PPARGC1A: variants seen among roughly 807,000 people sequenced by gnomAD.
PPARGC1A encodes the protein PPARG coactivator 1 alpha, also known as peroxisome proliferator-activated receptor gamma coactivator 1-alpha.
Under a neutral mutation model 88.7 loss-of-function variants are expected in PPARGC1A, and 25 were observed. That is an observed-to-expected ratio of 0.28 (90% CI 0.21 to 0.39). The LOEUF (loss-of-function observed/expected upper bound fraction) is 0.39, where lower values mean the gene tolerates loss of function less well. Among genes scored for constraint, PPARGC1A ranks in the 10% least tolerant of loss-of-function variants. The pLI, the probability that PPARGC1A is intolerant of heterozygous loss-of-function variation, is 1.00. For missense variants in PPARGC1A, 880 were observed against 968.7 expected (o/e 0.91, Z 1.22); for synonymous variants, 363 against 355.6 (o/e 1.02, Z -0.24).
At chr4:24,244,332 T>G in the PPARGC1A span, among the ~76,000 whole-genome samples, 3,824 of 152,328 alleles carry the variant, frequency 0.025, 152 homozygotes, top group African/African-American at 0.087. Flanking sequence ...ATATATTAGA[T>G]CTTATGGTCG....
At chr4:24,436,605 A>G in the PPARGC1A span, among the ~76,000 whole-genome samples, 2 of 145,840 alleles carry the variant, frequency 1.4e-5, no homozygotes, top group African/African-American at 2.6e-5. Flanking sequence ...GCTGACATCG[A>G]TTGGCCACCC....
At chr4:24,283,914 T>C in the PPARGC1A span, among the ~76,000 whole-genome samples, 1 of 152,122 alleles carries the variant, frequency 6.6e-6, no homozygotes, top group African/African-American at 2.4e-5. Flanking sequence ...CAAATAAGCA[T>C]TGCATATCAG....
chr4:23,832,590 A>ATTTCTT (rs71639813), intron 2 of PPARGC1A, among the ~76,000 whole-genome samples: 3,058 of 145,032 alleles, frequency 0.021, 69 homozygotes, highest in African/African-American at 0.055. Flanking sequence ...GTGCACTATT[A>ATTTCTT]TTTCTTTTTC....
the PPARGC1A span, among the ~76,000 whole-genome samples, chr4:24,232,224 GA>G: frequency 5.3e-5 from 8 of 149,716 alleles, no homozygotes; most frequent in South Asian, 6.4e-4. Flanking sequence ...ATTCTGGATT[GA>G]AAAAAAAAAT....
chr4:24,084,354 T>G, the PPARGC1A span, among the ~76,000 whole-genome samples: 1 of 152,220 alleles, frequency 6.6e-6, no homozygotes, highest in South Asian at 2.1e-4. Context: ...GGATTTAGGT[T>G]GCTTAGCCTT....
chr4:24,118,576 A>T, the PPARGC1A span, among the ~76,000 whole-genome samples: 1 of 152,172 alleles, frequency 6.6e-6, no homozygotes, highest in Non-Finnish European at 1.5e-5. Context: ...CTCGGTTTTA[A>T]CATTTTAGTA....
the PPARGC1A span, among the ~76,000 whole-genome samples, chr4:24,419,929 A>G: frequency 1.3e-5 from 2 of 152,246 alleles, no homozygotes; most frequent in Non-Finnish European, 2.9e-5. Context: ...TGTGTATTTT[A>G]AAGTCTTCAA....
chr4:23,837,014 T>A (rs1379654648), intron 2 of PPARGC1A, among the ~76,000 whole-genome samples: 1 of 152,200 alleles, frequency 6.6e-6, no homozygotes, highest in East Asian at 1.9e-4. Flanking sequence ...CTTATGTTAG[T>A]AATTTTTTCT....
At chr4:24,198,659 G>A in the PPARGC1A span, among the ~76,000 whole-genome samples, 160 of 152,234 alleles carry the variant, frequency 1.1e-3, no homozygotes, top group Admixed American at 4.4e-3. Context: ...TGGGTTCCTC[G>A]AGCCTAAGGC....
the PPARGC1A span, among the ~76,000 whole-genome samples, chr4:24,413,702 G>A: frequency 1.3e-5 from 2 of 152,052 alleles, no homozygotes; most frequent in Non-Finnish European, 2.9e-5. Flanking sequence ...TGGCTTCGCA[G>A]CTGGAGAGGA....
At chr4:23,879,293 C>T (rs1011813724) in intron 2 of PPARGC1A, among the ~76,000 whole-genome samples, 4 of 152,182 alleles carry the variant, frequency 2.6e-5, no homozygotes, top group Admixed American at 2.6e-4. Flanking sequence ...AATTCATTAC[C>T]ATGGAAGGCT....
chr4:23,812,188 ATG>A (rs1721036531), intron 10 of PPARGC1A, among the ~76,000 whole-genome samples: 1 of 151,896 alleles, frequency 6.6e-6, no homozygotes, highest in Non-Finnish European at 1.5e-5. Flanking sequence ...AGTGATCCAC[ATG>A]CCTTGGCCTC....
chr4:24,409,918 C>G, the PPARGC1A span, among the ~76,000 whole-genome samples: 2 of 152,158 alleles, frequency 1.3e-5, no homozygotes, highest in Non-Finnish European at 2.9e-5. Flanking sequence ...ACAGAGGGGA[C>G]AGCAAAATGT....
chr4:24,299,707 C>A, the PPARGC1A span, among the ~76,000 whole-genome samples: 2 of 152,206 alleles, frequency 1.3e-5, no homozygotes, highest in East Asian at 1.9e-4. Flanking sequence ...CTAATTCATA[C>A]CACCCCTAAC....
At chr4:23,917,364 TTTTC>T in the PPARGC1A span, among the ~76,000 whole-genome samples, 2 of 139,858 alleles carry the variant, frequency 1.4e-5, no homozygotes, top group Non-Finnish European at 3.0e-5. Flanking sequence ...CTTTTCTGTG[TTTTC>T]TTTCTTTCTT....
At chr4:23,922,537 G>A in the PPARGC1A span, among the ~76,000 whole-genome samples, 22 of 152,280 alleles carry the variant, frequency 1.4e-4, no homozygotes, top group Non-Finnish European at 2.5e-4. Flanking sequence ...GTTTCATAAT[G>A]TAAGAAACAA....
At chr4:24,442,220 C>T in the PPARGC1A span, among the ~76,000 whole-genome samples, 5 of 152,104 alleles carry the variant, frequency 3.3e-5, no homozygotes, top group Non-Finnish European at 7.4e-5. Flanking sequence ...TTATCTCTAC[C>T]TCTTGCTGTT....
chr4:23,914,404 C>T, the PPARGC1A span, among the ~76,000 whole-genome samples: 1 of 152,154 alleles, frequency 6.6e-6, no homozygotes, highest in African/African-American at 2.4e-5. Flanking sequence ...ATTTAATCAG[C>T]ATATAGTGTC....
chr4:24,233,379 T>A, the PPARGC1A span, among the ~76,000 whole-genome samples: 1 of 151,902 alleles, frequency 6.6e-6, no homozygotes, highest in South Asian at 2.1e-4. Flanking sequence ...CTCTCTCTTT[T>A]CTCATCTTCC....
Sources: gnomAD v4.1 joint callset for allele counts (sites outside exome capture counted in the v4.1 genomes callset) on GRCh38, gnomAD v4.1.1 for gene constraint, MANE v1.5 for transcripts, NCBI Gene and HGNC (gene_info 2026-07-23, HGNC 2026-07-21) for gene names.